The following FEV variants were observed in gnomAD, a reference collection of about 807,000 sequenced individuals.
FEV encodes protein FEV.
In FEV, 14 loss-of-function variants were observed where a neutral mutation model predicts 20.5. That is an observed-to-expected ratio of 0.68 (90% confidence interval 0.45 to 1.07). The LOEUF is 1.07. Ranked by LOEUF, FEV falls within the 50% of genes least tolerant of loss-of-function variation. The pLI is 0.00. For synonymous variants in FEV, 188 were observed against 163.7 expected, an observed-to-expected ratio of 1.15 and a Z score of -1.13; for missense variants, 301 against 345.3, an observed-to-expected ratio of 0.87 and a Z score of 1.02.
Position 218,981,599 on chromosome 2 carries a change from G to T in FEV, c.*68C>A. 1.7e-6 allele frequency: 2 copies of T among 1,197,072 alleles called. No individual in the cohort carries two copies. Among genetic ancestry groups the T allele is most frequent in the South Asian group, 3.6e-5 (1 of 27,874 alleles). The allele number at this position is 1,197,072 out of a possible 1,614,324, so 74.2% of individuals were successfully genotyped here. A position where few individuals can be genotyped will look rare whatever the true frequency, so the allele number is the denominator to read the frequency against. On this transcript the variant is annotated 3_prime_UTR_variant, in exon 3 of 3. Transcript: ENST00000295727. The surrounding 1 kb of genome is among the most constrained non-coding windows in gnomAD (Gnocchi z 4.5). Reference sequence around the variant, plus strand: ...TGACGGAGGCTCCCGGGCCCTCCCCGGGATGCCGATGGGATCGGGCGAGAC... The same window carrying T: ...TGACGGAGGCTCCCGGGCCCTCCCCTGGATGCCGATGGGATCGGGCGAGAC...
At position 218,984,914 on chromosome 2, in the gene FEV, T is replaced by G; in HGVS notation, c.52+110A>C. The G allele has an allele frequency of 2.0e-6, 2 of 1,024,516 alleles. No homozygotes were observed. The highest frequency in any genetic ancestry group is 3.0e-6 in the Non-Finnish European group (2 of 670,444). 63.5% of individuals were successfully genotyped at this position (1,024,516 alleles called of 1,614,324 possible). ...CAATCGGCCCTCCATGCAACCCGAA[T>G]CTCCGGACACTTCTCCTTCCCCTGG... On this transcript the variant is annotated intron_variant, in intron 1 of 2. Transcript: ENST00000295727. The surrounding 1 kb of genome is among the most constrained non-coding windows in gnomAD (Gnocchi z 5.0).
chr2:218,982,915 G>A (rs1269350605), intron 2 of FEV, among the ~76,000 whole-genome samples: 1 of 152,242 alleles, frequency 6.6e-6, no homozygotes, highest in Non-Finnish European at 1.5e-5. Flanking sequence ...CCCCCTATAC[G>A]TGACAGGAGG....
At chr2:218,983,850 G>A (rs184335648) in intron 2 of FEV, among the ~76,000 whole-genome samples, 2 of 152,316 alleles carry the variant, frequency 1.3e-5, no homozygotes. Flanking sequence ...TCTAGTGATT[G>A]GGAAGCCCGC....
chr2:218,984,029 T>C lies in FEV; in HGVS notation c.127+202A>G, dbSNP rs926572216. 6.6e-6 allele frequency among the ~76,000 whole-genome samples: 1 copy of C among 152,180 alleles called. No homozygotes were observed. The highest frequency in any genetic ancestry group is 6.5e-5 in the Admixed American group (1 of 15,290). ...GGGCTGGGATCCTCTCCATCTGCCT[T>C]GGCCTGCAACTCTTTTCCTGGTGCT... On this transcript the variant is annotated intron_variant, in intron 2 of 2. Transcript: ENST00000295727. The surrounding 1 kb of genome is among the most constrained non-coding windows in gnomAD (Gnocchi z 5.0).
Position 218,981,692 on chromosome 2 carries a change from G to A in FEV, c.692C>T (p.Ser231Leu), listed in dbSNP as rs909339175. The A allele has an allele frequency of 1.5e-6, 2 of 1,342,290 alleles. No individual in the cohort carries two copies. The highest frequency in any genetic ancestry group is 1.9e-6 in the Non-Finnish European group (2 of 1,052,726). The allele number at this position is 1,342,290 out of a possible 1,614,324, so 83.1% of individuals were successfully genotyped here. Residue 231 changes from serine (S) to leucine (L), a missense_variant, in exon 3 of 3, where the codon TCG becomes TTG. Transcript: ENST00000295727. This position sits in a 1 kb window ranked among gnomAD's most constrained non-coding sequence, Gnocchi z 4.5. Reference protein sequence around the residue: ...PGPFGAVAAASHLGGHYH With the variant: ...PGPFGAVAAALHLGGHYH ...CTAGTGGTAATGGCCCCCCAAGTGCGAGGCTGCGGCCACGGCCCCGAAGGG... is the reference window on the plus strand; with the variant it reads ...CTAGTGGTAATGGCCCCCCAAGTGCAAGGCTGCGGCCACGGCCCCGAAGGG...
In FEV at chr2:218,984,255, G is replaced by A; in HGVS notation, c.103C>T (p.Pro35Ser). 6.2e-7 allele frequency: 1 copy of A among 1,601,298 alleles called. No homozygotes were observed. Among genetic ancestry groups the A allele is most frequent in the African/African-American group, 1.3e-5 (1 of 74,744 alleles). The change falls in exon 2 of 3, where the codon CCG (proline) becomes TCG (serine). Residue 35 changes from proline (P) to serine (S), a missense_variant. Coordinates refer to ENST00000295727, the MANE Select transcript of FEV (RefSeq NM_017521.3). This position sits in a 1 kb window ranked among gnomAD's most constrained non-coding sequence, Gnocchi z 5.0. The stretch of plus-strand genomic sequence containing the variant: ...CCTTTCTGAACCGCGGGGCTCAGCG[G>A]CCCCCAGCTCGGGTTCTTCCCGTCC... ...FKDGKNPSWG[P>S]LSPAVQKGSG...
rs1236655952 is a variant in FEV at position 218,985,018 on chromosome 2, T to C, written c.52+6A>G. On this transcript the variant is annotated splice_donor_region_variant and intron_variant, in intron 1 of 2. Coordinates refer to ENST00000295727, the MANE Select transcript of FEV (RefSeq NM_017521.3). ...GTGCCACCAGCCTCCGGCTGGTCCC[T>C]GGTACCTGGCAGGTACATGTTGATC... The C allele has an allele frequency of 3.2e-6, 5 of 1,554,050 alleles. No homozygotes were observed. In the East Asian group the frequency reaches 9.7e-5, roughly 30 times the overall value.
At chr2:218,983,096 A>G (rs973504039) in intron 2 of FEV, among the ~76,000 whole-genome samples, 1 of 152,158 alleles carries the variant, frequency 6.6e-6, no homozygotes, top group Non-Finnish European at 1.5e-5. Context: ...CGGACCGAGC[A>G]GCTGTTGTGC....
At chr2:218,983,249 C>A (rs904938738) in intron 2 of FEV, among the ~76,000 whole-genome samples, 1 of 152,206 alleles carries the variant, frequency 6.6e-6, no homozygotes, top group South Asian at 2.1e-4. Context: ...GAGCCTCAAG[C>A]AGACAGGCAG....
At chr2:218,983,387 A>G (rs527317671) in intron 2 of FEV, among the ~76,000 whole-genome samples, 2 of 152,222 alleles carry the variant, frequency 1.3e-5, no homozygotes, top group African/African-American at 2.4e-5. Flanking sequence ...CTGGCTTAGA[A>G]TCCAGACGCT....
Position 218,981,741 on chromosome 2 carries a change from G to T in FEV, c.643C>A (p.Pro215Thr). The T allele has an allele frequency of 7.6e-7, 1 of 1,315,848 alleles. No homozygotes were observed. The highest frequency in any genetic ancestry group is 9.6e-7 in the Non-Finnish European group (1 of 1,040,816). The allele number at this position is 1,315,848 out of a possible 1,614,324, so 81.5% of individuals were successfully genotyped here. A position where few individuals can be genotyped will look rare whatever the true frequency, so the allele number is the denominator to read the frequency against. ...GGCCCGGGCGGGGGCTGCAAGCTGGGACTGGGGTAGAGCGCGGCGGTGGCG... is the reference window on the plus strand; with the variant it reads ...GGCCCGGGCGGGGGCTGCAAGCTGGTACTGGGGTAGAGCGCGGCGGTGGCG... ...AAATAALYPSPSLQPPPGPFG... is the reference protein window; with the variant it reads ...AAATAALYPSTSLQPPPGPFG... The change falls in exon 3 of 3, where the codon CCC (proline) becomes ACC (threonine). Residue 215 changes from proline (P) to threonine (T), a missense_variant. By Grantham distance (38) the Pro-to-Thr change is conservative. Transcript: ENST00000295727. This position sits in a 1 kb window ranked among gnomAD's most constrained non-coding sequence, Gnocchi z 4.5.
At chr2:218,983,373 G>A (rs1201113845) in intron 2 of FEV, among the ~76,000 whole-genome samples, 1 of 151,996 alleles carries the variant, frequency 6.6e-6, no homozygotes, top group African/African-American at 2.4e-5. Flanking sequence ...TACTTTTTCA[G>A]CCACTGGCTT....
chr2:218,984,103 C>G lies in FEV; in HGVS notation c.127+128G>C. The G allele has an allele frequency of 1.1e-6, 1 of 900,744 alleles. No homozygotes were observed. The highest frequency in any genetic ancestry group is 1.6e-6 in the Non-Finnish European group (1 of 608,144). The allele number at this position is 900,744 out of a possible 1,614,324, so 55.8% of individuals were successfully genotyped here. Reference sequence around the variant, plus strand: ...CAAGTGACTGTCTTCCCAAGGCCTCCGCACAACCAGGCCAGGACTCCGGGC... The same window carrying G: ...CAAGTGACTGTCTTCCCAAGGCCTCGGCACAACCAGGCCAGGACTCCGGGC... On this transcript the variant is annotated intron_variant, in intron 2 of 2. Transcript: ENST00000295727. This position sits in a 1 kb window ranked among gnomAD's most constrained non-coding sequence, Gnocchi z 5.0.
chr2:218,983,395 G>C (rs758751184), intron 2 of FEV, among the ~76,000 whole-genome samples: 1 of 152,132 alleles, frequency 6.6e-6, no homozygotes, highest in African/African-American at 2.4e-5. Context: ...GAATCCAGAC[G>C]CTACCCTTCC....
chr2:218,982,529 G>T (rs1945400788), intron 2 of FEV, among the ~76,000 whole-genome samples: 1 of 152,132 alleles, frequency 6.6e-6, no homozygotes, highest in Admixed American at 6.5e-5. Flanking sequence ...TGGAACTTGG[G>T]GGTTGGGGGG....
At chr2:218,982,368 A>G in intron 2 of FEV, 112 bp from the exon 3 acceptor site, 1 of 970,574 alleles carries the variant, frequency 1.0e-6, no homozygotes, top group Admixed American at 2.5e-5. Flanking sequence ...GGGGGAGGAA[A>G]AGTGCAAGTC....
rs1179554668 is a variant in FEV at position 218,981,814 on chromosome 2, G to A, written c.570C>T (p.Ala190=). The change falls in exon 3 of 3, where the codon GCC becomes GCT. Residue 190 remains alanine, a synonymous_variant. Coordinates refer to ENST00000295727, the MANE Select transcript of FEV (RefSeq NM_017521.3). The surrounding 1 kb of genome is among the most constrained non-coding windows in gnomAD (Gnocchi z 4.5). ...LMAASAGVAP[A]GFSYWPGPGP... is the part of the protein sequence containing the mutation. ...CCGGGCCCGGCCAGTAGGAGAAGCC[G>A]GCGGGCGCGACCCCGGCCGAGGCGG... The A allele has an allele frequency of 3.1e-5, 39 of 1,242,548 alleles. No individual in the cohort carries two copies. The highest frequency in any genetic ancestry group is 3.7e-5 in the Non-Finnish European group (37 of 998,280). The allele number at this position is 1,242,548 out of a possible 1,614,324, so 77.0% of individuals were successfully genotyped here.
At position 218,981,599 on chromosome 2, in the gene FEV, G is replaced by A. The variant is rs1559099201; in HGVS notation, c.*68C>T. The A allele has an allele frequency of 4.2e-6, 5 of 1,196,956 alleles. No individual in the cohort carries two copies. The highest frequency in any genetic ancestry group is 4.3e-5 in the Admixed American group (1 of 23,508). The allele number at this position is 1,196,956 out of a possible 1,614,324, so 74.1% of individuals were successfully genotyped here. ...TGACGGAGGCTCCCGGGCCCTCCCC[G>A]GGATGCCGATGGGATCGGGCGAGAC... is the stretch of plus-strand genomic sequence containing the variant. On this transcript the variant is annotated 3_prime_UTR_variant, in exon 3 of 3. Coordinates refer to ENST00000295727, the MANE Select transcript of FEV (RefSeq NM_017521.3). The surrounding 1 kb of genome is among the most constrained non-coding windows in gnomAD (Gnocchi z 4.5).
chr2:218,982,227 G>A lies in FEV; in HGVS notation c.157C>T (p.Leu53=). The A allele has an allele frequency of 6.2e-7, 1 of 1,603,448 alleles. No homozygotes were observed. Among genetic ancestry groups the A allele is most frequent in the Non-Finnish European group, 8.5e-7 (1 of 1,176,144 alleles). Residue 53 remains leucine, a synonymous_variant, in exon 3 of 3, where the codon CTG becomes TTG. Coordinates refer to ENST00000295727, the MANE Select transcript of FEV (RefSeq NM_017521.3). ...GSGQIQLWQF[L]LELLADRANA... ...GCGCGGTCAGCCAGCAGCTCCAGCA[G>A]AAACTGCCACAGCTGGATCTGTCCG...
Sources: gnomAD v4.1 joint callset for allele counts (sites outside exome capture counted in the v4.1 genomes callset) on GRCh38, gnomAD v4.1.1 for gene constraint, Gnocchi (gnomAD v3.1) non-coding constraint, MANE v1.5 for transcripts, NCBI Gene and HGNC (gene_info 2026-07-23, HGNC 2026-07-21) for gene names.